ZZEF1: variants seen among roughly 807,000 people sequenced by gnomAD.
ZZEF1 encodes zinc finger ZZ-type and EF-hand domain-containing protein 1.
In ZZEF1, 157 loss-of-function variants were observed where a neutral mutation model predicts 342.8. The observed-to-expected ratio is 0.46, with a 90% CI of 0.40 to 0.52. ZZEF1 has a LOEUF of 0.52. Ranked by LOEUF, ZZEF1 falls within the 20% of genes least tolerant of loss-of-function variation. The probability of loss-of-function intolerance (pLI) is 0.00; values close to 1 mark genes in which losing one functional copy is unlikely to be tolerated. For synonymous variants in ZZEF1, 1,505 were observed against 1,429.1 expected (o/e 1.05, Z -1.20); for missense variants, 3,480 against 3,725.6 (o/e 0.93, Z 1.72).
At chr17:4,105,016 T>G (rs1597898703) in intron 7 of ZZEF1, among the ~76,000 whole-genome samples, 1 of 152,226 alleles carries the variant, frequency 6.6e-6, no homozygotes, top group African/African-American at 2.4e-5. Context: ...AAGCCTCACT[T>G]CTATAATCTT....
At chr17:4,063,690 T>C (rs1597834653) in intron 29 of ZZEF1, among the ~76,000 whole-genome samples, 1 of 151,584 alleles carries the variant, frequency 6.6e-6, no homozygotes, top group East Asian at 1.9e-4. Context: ...GGCTCCCAGG[T>C]AGCTGGGACT....
intron 39 of ZZEF1, among the ~76,000 whole-genome samples, chr17:4,041,295 CAT>C (rs10533522): frequency 0.18 from 26,645 of 152,008 alleles, 2,589 homozygotes; most frequent in East Asian, 0.26. Flanking sequence ...AGAGGGAACA[CAT>C]AATGATTTTC....
At chr17:4,123,782 A>C (rs1308258281) in intron 2 of ZZEF1, 125 bp downstream of exon 2, 12 of 1,077,876 alleles carry the variant, frequency 1.1e-5, no homozygotes, top group Non-Finnish European at 1.3e-5. Flanking sequence ...GCTAATTCAG[A>C]TCGGGAGCCT....
At chr17:4,076,137 C>CTTTCTTTTTTTTTTTTT (rs1555599391) in intron 21 of ZZEF1, 6 of 122,190 alleles carry the variant, frequency 4.9e-5, no homozygotes, top group African/African-American at 1.9e-4. Flanking sequence ...CGTCTCCTTT[C>CTTTCTTTTTTTTTTTTT]TTTTTTTTTT....
intron 16 of ZZEF1, among the ~76,000 whole-genome samples, chr17:4,084,569 C>T (rs1453519929): frequency 6.6e-6 from 1 of 152,202 alleles, no homozygotes; most frequent in East Asian, 1.9e-4. Context: ...TGAAGTTCCT[C>T]TACCTAGGTG....
At position 4,014,504 on chromosome 17, in the gene ZZEF1, G is replaced by A; in HGVS notation, c.8157C>T (p.His2719=). ...TTGAGAGGTAGATGGCACCAGGAAT[G>A]TGAACTTTATCCTAGGGAGGGGAAA... is the stretch of plus-strand genomic sequence containing the variant. ...NNNTNFEDKV[H]IPGAIYLSIK... The change falls in exon 50 of 55, where the codon CAC becomes CAT. Residue 2719 remains histidine (H), a synonymous_variant. Transcript: ENST00000381638. This position sits in a 1 kb window ranked among gnomAD's most constrained non-coding sequence, Gnocchi z 4.4. The A allele has an allele frequency of 6.2e-7, 1 of 1,614,186 alleles. No homozygotes were observed. The highest frequency in any genetic ancestry group is 8.5e-7 in the Non-Finnish European group (1 of 1,180,008).
rs879881572 is a variant in ZZEF1, at chr17:4,114,172, T to C, written c.866+127A>G. 16 of 669,834 alleles carry C rather than the reference T, an allele frequency of 2.4e-5. No homozygotes were observed. In the East Asian group the frequency reaches 4.8e-4, roughly 20 times the overall value. The allele number at this position is 669,834 out of a possible 1,614,324, so 41.5% of individuals were successfully genotyped here. A position where few individuals can be genotyped will look rare whatever the true frequency, so the allele number is the denominator to read the frequency against. On this transcript the variant is annotated intron_variant, in intron 4 of 54. Coordinates refer to ENST00000381638, the MANE Select transcript of ZZEF1 (RefSeq NM_015113.4). ...GGAATATATAAGCCAGGTTACATGA[T>C]TTTACATGATTCATTTTACTTGATT...
intron 43 of ZZEF1, 93 bp from the exon 44 acceptor site, chr17:4,022,921 T>A: frequency 2.7e-6 from 4 of 1,502,676 alleles, no homozygotes; most frequent in Non-Finnish European, 3.6e-6. Context: ...ACTCTTTCAT[T>A]CATTCGTCCA....
chr17:4,140,580 C>G (rs768384869), intron 1 of ZZEF1, among the ~76,000 whole-genome samples: 23 of 152,190 alleles, frequency 1.5e-4, no homozygotes, highest in Non-Finnish European at 2.6e-4. Flanking sequence ...ACTCGATATA[C>G]GCCCAATAAA....
chr17:4,079,280 T>C (rs575904654), intron 18 of ZZEF1, among the ~76,000 whole-genome samples: 44 of 152,210 alleles, frequency 2.9e-4, no homozygotes, highest in African/African-American at 1.0e-3. Context: ...AACGCTGAAG[T>C]TTTCTGCCCA....
At chr17:4,115,436 G>A (rs2058379100) in intron 3 of ZZEF1, among the ~76,000 whole-genome samples, 1 of 152,142 alleles carries the variant, frequency 6.6e-6, no homozygotes, top group Non-Finnish European at 1.5e-5. Context: ...GCCAAGGCAG[G>A]CGGATCACTT....
chr17:4,135,923 T>C (rs1203977388), intron 1 of ZZEF1, among the ~76,000 whole-genome samples: 1 of 151,752 alleles, frequency 6.6e-6, no homozygotes, highest in Non-Finnish European at 1.5e-5. Flanking sequence ...AGCATACACA[T>C]AATTGGTATC....
chr17:4,079,803 A>G lies in ZZEF1; in HGVS notation c.2829+1573T>C, dbSNP rs1489388324. On this transcript the variant is annotated intron_variant, in intron 18 of 54. Transcript: ENST00000381638. ...CAGGCAGCTGGGAATGAATGAAATC[A>G]TGGCTCTAACAGCAACTCAAAACAG... 2.0e-5 allele frequency among the ~76,000 whole-genome samples: 3 copies of G among 152,238 alleles called. No individual in the cohort carries two copies. In the South Asian group the frequency reaches 6.2e-4, roughly 32 times the overall value.
At chr17:4,065,788 T>C (rs904430280) in intron 28 of ZZEF1, among the ~76,000 whole-genome samples, 1 of 152,154 alleles carries the variant, frequency 6.6e-6, no homozygotes, top group African/African-American at 2.4e-5. Context: ...ATTTAAAAAA[T>C]AATAGTAATT....
At position 4,013,506 on chromosome 17, in the gene ZZEF1, T is replaced by C. The variant is rs2056020534; in HGVS notation, c.8522A>G (p.His2841Arg). Residue 2841 changes from histidine (H) to arginine (R), a missense_variant, in exon 52 of 55, where the codon CAT (histidine) becomes CGT (arginine). His to Arg is a conservative substitution (Grantham distance 29). This residue lies in a region of ZZEF1 where 1,269 missense variants were observed against 1,342.4 expected (regional missense o/e 0.95). Transcript: ENST00000381638. Reference sequence around the variant, plus strand: ...TAAGTGGATGGCTTTTAATCGTTGATGGCCAGTCTGGCGACAGGCCACGCC... The same window carrying C: ...TAAGTGGATGGCTTTTAATCGTTGACGGCCAGTCTGGCGACAGGCCACGCC... ...LVGVACRQTGHQRLKAIHLLL... is the reference protein window; with the variant it reads ...LVGVACRQTGRQRLKAIHLLL... 1.2e-6 allele frequency: 2 copies of C among 1,614,034 alleles called. No individual in the cohort carries two copies. Among genetic ancestry groups the C allele is most frequent in the Non-Finnish European group, 8.5e-7 (1 of 1,179,912 alleles).
chr17:4,019,381 T>A (rs570928866), intron 46 of ZZEF1, among the ~76,000 whole-genome samples: 3 of 152,190 alleles, frequency 2.0e-5, no homozygotes, highest in African/African-American at 4.8e-5. Flanking sequence ...GGATTACACA[T>A]GAGAGACATC....
chr17:4,031,101 G>T (rs1445299512), intron 42 of ZZEF1, among the ~76,000 whole-genome samples: 1 of 152,090 alleles, frequency 6.6e-6, no homozygotes, highest in Non-Finnish European at 1.5e-5. Flanking sequence ...GATCACCTGA[G>T]GTCAGGAGTT....
chr17:4,050,767 C>A lies in ZZEF1; in HGVS notation c.5863+14G>T. On this transcript the variant is annotated intron_variant, in intron 36 of 54. Coordinates refer to ENST00000381638, the MANE Select transcript of ZZEF1 (RefSeq NM_015113.4). ...CTGAGGGCTGGTTTTGGTTTCTGTG[C>A]ATTGGGAAGTCACCTTTTCCCTGAT... 3 of 1,612,994 alleles carry A rather than the reference C, an allele frequency of 1.9e-6. No homozygotes were observed. Among genetic ancestry groups the A allele is most frequent in the Non-Finnish European group, 2.5e-6 (3 of 1,180,012 alleles).
At chr17:4,089,097 T>C (rs2057896047) in intron 12 of ZZEF1, among the ~76,000 whole-genome samples, 1 of 152,120 alleles carries the variant, frequency 6.6e-6, no homozygotes, top group Non-Finnish European at 1.5e-5. Context: ...TTGAATAAAG[T>C]CAGGTTTGGG....
Sources: allele counts gnomAD v4.1 joint callset (sites outside exome capture counted in the v4.1 genomes callset), GRCh38; gene constraint gnomAD v4.1.1; regional missense constraint gnomAD v4.1.1; non-coding constraint Gnocchi (gnomAD v3.1); transcripts MANE v1.5; gene names NCBI Gene and HGNC (gene_info 2026-07-23, HGNC 2026-07-21).